NLRC5: variants seen among roughly 807,000 people sequenced by gnomAD.
NLRC5 encodes NLR family CARD domain containing 5.
In NLRC5, 114 loss-of-function variants were observed where a neutral mutation model predicts 206.9. That is an observed-to-expected ratio of 0.55 (90% confidence interval 0.47 to 0.64). NLRC5 has a LOEUF of 0.64. Among genes scored for constraint, NLRC5 ranks in the 30% least tolerant of loss-of-function variants. The pLI is 0.00. For missense variants in NLRC5, 2,008 were observed against 2,305.5 expected, an observed-to-expected ratio of 0.87 and a Z score of 2.64; for synonymous variants, 952 against 962.8, an observed-to-expected ratio of 0.99 and a Z score of 0.21.
In NLRC5 at chr16:57,082,328, AC is replaced by A. The variant is rs2069250734; in HGVS notation, c.5490-87del. 11 of 1,023,264 alleles carry A rather than the reference AC, an allele frequency of 1.1e-5. No homozygotes were observed. The South Asian group carries it at 1.6e-4, about 15-fold the overall frequency. The allele number at this position is 1,023,264 out of a possible 1,614,324, so 63.4% of individuals were successfully genotyped here. On this transcript the variant is annotated intron_variant, in intron 48 of 48. Coordinates refer to ENST00000688547, the MANE Select transcript of NLRC5 (RefSeq NM_001384950.1). ...GCCAGGTAACTCTAGGCACAGCTCT[AC>A]CTTTTTGGGCCTCAGCCTCCCAATC...
chr16:57,061,793 C>G, intron 32 of NLRC5, 92 bp downstream of exon 32: 1 of 1,547,078 alleles, frequency 6.5e-7, no homozygotes. Context: ...GATCATGGCC[C>G]CAGTCATTTC....
chr16:56,989,888 G>C (rs1295622499), intron 1 of NLRC5, among the ~76,000 whole-genome samples: 2 of 152,180 alleles, frequency 1.3e-5, no homozygotes, highest in African/African-American at 2.4e-5. Context: ...CGCCTGGATG[G>C]GGGGACACAG....
chr16:57,033,738 G>C, intron 12 of NLRC5, 69 bp downstream of exon 12: 1 of 1,425,792 alleles, frequency 7.0e-7, no homozygotes, highest in Non-Finnish European at 9.9e-7. Context: ...GCAAGGGAGA[G>C]CAGGGGCAGG....
Position 57,074,604 on chromosome 16 carries a change from A to G in NLRC5, c.4672A>G (p.Ser1558Gly). ...ACCTGGCCTCCTCTTCTCCAGCCTCAGTCACCTTCTGCTGAACAGCTCCAC... is the reference window on the plus strand; with the variant it reads ...ACCTGGCCTCCTCTTCTCCAGCCTCGGTCACCTTCTGCTGAACAGCTCCAC... ...GKWMLKRLDLSHLLLNSSTLA... is the reference protein window; with the variant it reads ...GKWMLKRLDLGHLLLNSSTLA... Residue 1558 changes from serine (S) to glycine (G), a missense_variant, in exon 39 of 49, where the codon AGT becomes GGT. By Grantham distance (56) the Ser-to-Gly change is moderately conservative. Transcript: ENST00000688547. 1 of 1,613,828 alleles carries G rather than the reference A, an allele frequency of 6.2e-7. No homozygotes were observed. Among genetic ancestry groups the G allele is most frequent in the Non-Finnish European group, 8.5e-7 (1 of 1,179,780 alleles).
At chr16:56,989,705 G>C (rs903800548) in intron 1 of NLRC5, 88 bp downstream of exon 1, 1 of 152,402 alleles carries the variant, frequency 6.6e-6, no homozygotes, top group Non-Finnish European at 1.5e-5. Flanking sequence ...TGCACGGAGA[G>C]GGGTGGAGGG....
At chr16:57,037,132 G>A in intron 14 of NLRC5, 63 bp from the exon 15 acceptor site, 2 of 1,358,952 alleles carry the variant, frequency 1.5e-6, no homozygotes, top group Admixed American at 3.4e-5. Context: ...GGAGGGGCTA[G>A]AGCTGGCTGG....
chr16:57,067,997 ATGACCTTAGGAACAT>A (rs1434735406), intron 36 of NLRC5, among the ~76,000 whole-genome samples, 169 bp downstream of exon 36: 4 of 152,228 alleles, frequency 2.6e-5, no homozygotes, highest in African/African-American at 9.7e-5. Flanking sequence ...AGTCGTAAAC[ATGACCTTAGGAACAT>A]TGAGCCACAT....
Position 57,059,248 on chromosome 16 carries a change from C to T in NLRC5, c.3920+187C>T, listed in dbSNP as rs964965622. The stretch of plus-strand genomic sequence containing the variant: ...ATCATAATTTCTATCCCCTGATGCC[C>T]GGGTGCCATGGGGACCATGGAGGCC... On this transcript the variant is annotated intron_variant, in intron 29 of 48. Transcript: ENST00000688547. The T allele has an allele frequency of 1.0e-5, 15 of 1,475,324 alleles. No individual in the cohort carries two copies. The East Asian group carries it at 2.2e-4, about 22-fold the overall frequency. The allele number at this position is 1,475,324 out of a possible 1,614,324, so 91.4% of individuals were successfully genotyped here.
chr16:57,033,904 A>G (rs1315984709), intron 12 of NLRC5, among the ~76,000 whole-genome samples: 1 of 152,226 alleles, frequency 6.6e-6, no homozygotes, highest in East Asian at 1.9e-4. Context: ...CGGGCATTGC[A>G]CTAGATGTTT....
intron 21 of NLRC5, among the ~76,000 whole-genome samples, chr16:57,045,914 C>T (rs770004290): frequency 6.6e-6 from 1 of 152,238 alleles, no homozygotes; most frequent in Admixed American, 6.5e-5. Flanking sequence ...ACATTTTCCC[C>T]GTCTTCGCAG....
rs142863717 is a variant in NLRC5 at position 57,061,716 on chromosome 16, G to A, written c.4154+15G>A. On this transcript the variant is annotated intron_variant, in intron 32 of 48. Coordinates refer to ENST00000688547, the MANE Select transcript of NLRC5 (RefSeq NM_001384950.1). ...TTCAGCCTCAGGTACCTCCTCCCCC[G>A]CTGCCTCCGGGAGGGGCCATGGCAT... 1.3e-5 allele frequency: 20 copies of A among 1,593,890 alleles called. No homozygotes were observed. The highest frequency in any genetic ancestry group is 6.8e-5 in the Admixed American group (4 of 59,030).
In NLRC5 at chr16:57,082,463, A is replaced by G. The variant is rs148631614; in HGVS notation, c.5536A>G (p.Ser1846Gly). 1.5e-4 allele frequency: 241 copies of G among 1,613,792 alleles called. No individual in the cohort carries two copies. The highest frequency in any genetic ancestry group is 5.0e-4 in the Middle Eastern group (3 of 6,060). Reference sequence around the variant, plus strand: ...CTGCGACATGGCCCAGCACCTGAAGAGCCAGGAGCCCAGGCTGGACTTTGC... The same window carrying G: ...CTGCGACATGGCCCAGCACCTGAAGGGCCAGGAGCCCAGGCTGGACTTTGC... Reference protein sequence around the residue: ...IPCDMAQHLKSQEPRLDFAFF... With the variant: ...IPCDMAQHLKGQEPRLDFAFF... The change falls in exon 49 of 49, where the codon AGC becomes GGC. Residue 1846 changes from serine to glycine, a missense_variant. Physicochemically the swap from Ser to Gly is moderately conservative, Grantham distance 56. Transcript: ENST00000688547.
chr16:57,030,486 GAAAA>G (rs2061734731), intron 10 of NLRC5, among the ~76,000 whole-genome samples: 1 of 118,218 alleles, frequency 8.5e-6, no homozygotes, highest in Non-Finnish European at 1.9e-5. Context: ...ATGGGTGGAT[GAAAA>G]GATGGATGGA....
At chr16:56,994,365 C>T (rs1258760642) in intron 1 of NLRC5, among the ~76,000 whole-genome samples, 3 of 152,138 alleles carry the variant, frequency 2.0e-5, no homozygotes, top group East Asian at 1.9e-4. Flanking sequence ...CTGCAGACAC[C>T]GGCTCTGGCT....
At chr16:57,009,334 C>A (rs1195453732) in intron 1 of NLRC5, among the ~76,000 whole-genome samples, 5 of 151,398 alleles carry the variant, frequency 3.3e-5, no homozygotes, top group Non-Finnish European at 7.4e-5. Flanking sequence ...TGGCTCATGC[C>A]TCTAATCACA....
chr16:57,074,330 CA>C, intron 38 of NLRC5: 1 of 309,468 alleles, frequency 3.2e-6, no homozygotes, highest in Middle Eastern at 1.1e-3. Context: ...ATTTTATGAT[CA>C]ATGTGTGACC....
At chr16:57,005,911 C>A (rs1300756727) in intron 1 of NLRC5, among the ~76,000 whole-genome samples, 1 of 148,828 alleles carries the variant, frequency 6.7e-6, no homozygotes, top group African/African-American at 2.5e-5. Flanking sequence ...CAGAGCAATA[C>A]CCTGTCTCAA....
chr16:57,074,743 G>T, intron 39 of NLRC5, 60 bp downstream of exon 39: 1 of 1,527,530 alleles, frequency 6.5e-7, no homozygotes, highest in South Asian at 1.1e-5. Context: ...ACTCAGTTGG[G>T]ACCACATCCA....
chr16:57,043,386 G>T (rs1341763146), intron 19 of NLRC5, 129 bp from the exon 20 acceptor site: 1 of 775,140 alleles, frequency 1.3e-6, no homozygotes, highest in Non-Finnish European at 2.4e-6. Flanking sequence ...GGTGCTCTCT[G>T]ACCATCTTGG....
Sources: allele counts gnomAD v4.1 joint callset (sites outside exome capture counted in the v4.1 genomes callset), GRCh38; gene constraint gnomAD v4.1.1; transcripts MANE v1.5; gene names NCBI Gene and HGNC (gene_info 2026-07-23, HGNC 2026-07-21).